The following INPP4B variants were observed in gnomAD, a reference collection of about 807,000 sequenced individuals.
INPP4B encodes inositol polyphosphate-4-phosphatase type II B, also known as inositol polyphosphate 4-phosphatase type II.
INPP4B carries 55 observed loss-of-function variants against 122.5 expected under a neutral mutation model. That is an observed-to-expected ratio of 0.45 (90% confidence interval 0.36 to 0.56). The LOEUF (loss-of-function observed/expected upper bound fraction) is 0.56. Ranked by LOEUF, INPP4B falls within the 20% of genes least tolerant of loss-of-function variation. The probability of loss-of-function intolerance (pLI) is 0.00; values close to 1 mark genes in which losing one functional copy is unlikely to be tolerated. For missense variants in INPP4B, 1,000 were observed against 1,097.7 expected, an observed-to-expected ratio of 0.91 and a Z score of 1.26; for synonymous variants, 403 against 388.7, an observed-to-expected ratio of 1.04 and a Z score of -0.43.
intron 2 of INPP4B, among the ~76,000 whole-genome samples, chr4:142,579,424 C>G (rs1411980155): frequency 3.3e-5 from 5 of 151,972 alleles, no homozygotes; most frequent in Admixed American, 3.3e-4. Flanking sequence ...TATGTGTCAA[C>G]TTGACTAAGC....
chr4:142,278,621 C>G (rs544083176), intron 9 of INPP4B, among the ~76,000 whole-genome samples: 8 of 151,902 alleles, frequency 5.3e-5, no homozygotes, highest in African/African-American at 1.7e-4. Flanking sequence ...TTATTTTTCT[C>G]TATTCTCATG....
At chr4:142,829,726 C>G (rs1407730440) in intron 1 of INPP4B, among the ~76,000 whole-genome samples, 1 of 152,116 alleles carries the variant, frequency 6.6e-6, no homozygotes, top group African/African-American at 2.4e-5. Context: ...CATTATCATT[C>G]AACAGCAAGC....
intron 5 of INPP4B, among the ~76,000 whole-genome samples, chr4:142,418,250 CT>C (rs1288502371): frequency 6.6e-6 from 1 of 152,016 alleles, no homozygotes; most frequent in Non-Finnish European, 1.5e-5. Context: ...AAATGGATTA[CT>C]TTTTACAAAT....
At position 142,192,443 on chromosome 4, in the gene INPP4B, G is replaced by A. The variant is rs149784180; in HGVS notation, c.1181+644C>T. ...GCACTTTATGTTTTACATGAGCGTG[G>A]TCATAGCCAGAGAATATTATAGGAT... On this transcript the variant is annotated intron_variant, in intron 15 of 25. Coordinates refer to ENST00000262992, the MANE Select transcript of INPP4B (RefSeq NM_001101669.3). Among the ~76,000 whole-genome samples the A allele has an allele frequency of 3.3e-3, 494 of 150,416 alleles. 3 individuals are homozygous for A. Among genetic ancestry groups the A allele is most frequent in the South Asian group, 9.7e-3 (46 of 4,740 alleles).
chr4:142,502,797 C>T (rs961389506), intron 2 of INPP4B, among the ~76,000 whole-genome samples: 3 of 152,160 alleles, frequency 2.0e-5, no homozygotes, highest in Non-Finnish European at 2.9e-5. Flanking sequence ...CTTTAAAAAC[C>T]CTTACTTTCA....
intron 1 of INPP4B, among the ~76,000 whole-genome samples, chr4:142,738,240 A>C (rs1465126551): frequency 3.3e-5 from 5 of 152,232 alleles, no homozygotes; most frequent in Non-Finnish European, 5.9e-5. Flanking sequence ...CTGGATTAAG[A>C]AAATGTGGCA....
intron 9 of INPP4B, among the ~76,000 whole-genome samples, chr4:142,294,855 A>AAAAAAAAAAAAAAAAG (rs1554029824): frequency 6.8e-6 from 1 of 146,434 alleles, no homozygotes; most frequent in Non-Finnish European, 1.5e-5. Context: ...AAAAAAAAAA[A>AAAAAAAAAAAAAAAAG]AGGCAGACTT....
intron 2 of INPP4B, among the ~76,000 whole-genome samples, chr4:142,633,605 G>A (rs1748462949): frequency 6.6e-6 from 1 of 152,060 alleles, no homozygotes; most frequent in South Asian, 2.1e-4. Context: ...GATATAATGG[G>A]AAAGGAAAAA....
intron 23 of INPP4B, among the ~76,000 whole-genome samples, chr4:142,103,556 A>G (rs1326978028): frequency 6.6e-6 from 1 of 152,110 alleles, no homozygotes; most frequent in East Asian, 1.9e-4. Flanking sequence ...AGCAACAACA[A>G]AACTAAATTA....
intron 1 of INPP4B, among the ~76,000 whole-genome samples, chr4:142,806,786 GGAAA>G (rs60845921): frequency 0.081 from 6,096 of 75,622 alleles, 218 homozygotes; most frequent in African/African-American, 0.084. Context: ...AAAGAAAGAA[GGAAA>G]GAAAGAAAGA....
intron 25 of INPP4B, among the ~76,000 whole-genome samples, chr4:142,051,319 A>C (rs1331799378): frequency 1.3e-5 from 2 of 151,964 alleles, no homozygotes; most frequent in Non-Finnish European, 2.9e-5. Flanking sequence ...TAGTTTTCTA[A>C]GACAGACTTT....
intron 7 of INPP4B, among the ~76,000 whole-genome samples, chr4:142,359,295 A>C (rs1485786274): frequency 6.6e-6 from 1 of 151,876 alleles, no homozygotes; most frequent in African/African-American, 2.4e-5. Flanking sequence ...AACTAATTGC[A>C]ATCTTGGGCA....
chr4:142,479,892 C>T (rs1820295973), intron 2 of INPP4B, among the ~76,000 whole-genome samples: 1 of 152,068 alleles, frequency 6.6e-6, no homozygotes, highest in Non-Finnish European at 1.5e-5. Context: ...ATAATCTGTA[C>T]ACCAAAACCC....
chr4:142,365,712 A>T (rs575002457), intron 7 of INPP4B, among the ~76,000 whole-genome samples: 1 of 152,286 alleles, frequency 6.6e-6, no homozygotes, highest in African/African-American at 2.4e-5. Context: ...GCTTAAAACT[A>T]CAAAGCATCA....
At chr4:142,757,945 T>A (rs1017072154) in intron 1 of INPP4B, among the ~76,000 whole-genome samples, 18 of 152,078 alleles carry the variant, frequency 1.2e-4, no homozygotes, top group African/African-American at 3.6e-4. Context: ...AATCTAGAAC[T>A]AGTGAATCAG....
chr4:142,282,179 T>C (rs751584849), intron 9 of INPP4B, among the ~76,000 whole-genome samples: 32 of 152,058 alleles, frequency 2.1e-4, no homozygotes, highest in African/African-American at 4.8e-4. Flanking sequence ...TTTAATAAGA[T>C]GACATTTGAA....
chr4:142,189,489 C>T (rs1834783004), intron 15 of INPP4B, among the ~76,000 whole-genome samples: 2 of 152,064 alleles, frequency 1.3e-5, no homozygotes, highest in African/African-American at 4.8e-5. Context: ...ATTACTGTGG[C>T]CTAGTAAGGC....
intron 2 of INPP4B, chr4:142,467,943 G>T (rs749202750): frequency 1.3e-5 from 2 of 151,924 alleles, no homozygotes; most frequent in African/African-American, 4.8e-5. Flanking sequence ...TCCCTCTCTT[G>T]CTCCCCCTCT....
intron 2 of INPP4B, among the ~76,000 whole-genome samples, chr4:142,537,429 T>TAGAGAGAGAGAGAG (rs1157643466): frequency 3.9e-4 from 10 of 25,482 alleles, no homozygotes; most frequent in Non-Finnish European, 9.2e-4. Flanking sequence ...TATATATATA[T>TAGAGAGAGAGAGAG]AGAGAGAGAG....
Sources: gnomAD v4.1 joint callset for allele counts (sites outside exome capture counted in the v4.1 genomes callset) on GRCh38, gnomAD v4.1.1 for gene constraint, MANE v1.5 for transcripts, NCBI Gene and HGNC (gene_info 2026-07-23, HGNC 2026-07-21) for gene names.